EXOC6B: variants seen among roughly 807,000 people sequenced by gnomAD.
EXOC6B encodes the protein SEC15 homolog B.
A neutral mutation model predicts 113.5 loss-of-function variants in EXOC6B; 54 were observed. The ratio of observed to expected loss-of-function variants is 0.48; its 90% CI spans 0.38 to 0.60. The LOEUF (loss-of-function observed/expected upper bound fraction) is 0.60, where lower values mean the gene tolerates loss of function less well. EXOC6B is among the 20% of genes least tolerant of loss of function. The pLI is 0.00. For synonymous variants in EXOC6B, 357 were observed against 339.0 expected (o/e 1.05, Z -0.58); for missense variants, 797 against 977.5 (o/e 0.82, Z 2.46).
At chr2:72,634,359 G>A (rs1460989510) in intron 6 of EXOC6B, among the ~76,000 whole-genome samples, 2 of 152,150 alleles carry the variant, frequency 1.3e-5, no homozygotes, top group Admixed American at 6.5e-5. Flanking sequence ...TTCCCGCTAA[G>A]TACAACTAAA....
At chr2:72,291,204 G>C (rs1403735282) in intron 20 of EXOC6B, among the ~76,000 whole-genome samples, 2 of 152,152 alleles carry the variant, frequency 1.3e-5, no homozygotes, top group Non-Finnish European at 2.9e-5. Context: ...CAGGGTAAAC[G>C]TGCAAGTTTC....
chr2:72,730,071 T>C (rs1002580299), intron 5 of EXOC6B, among the ~76,000 whole-genome samples: 2 of 152,022 alleles, frequency 1.3e-5, no homozygotes, highest in Non-Finnish European at 2.9e-5. Context: ...GGCAGAGAGG[T>C]TGGAGATGCT....
At chr2:72,576,325 G>A (rs914188859) in intron 6 of EXOC6B, among the ~76,000 whole-genome samples, 3 of 151,926 alleles carry the variant, frequency 2.0e-5, no homozygotes, top group African/African-American at 7.3e-5. Flanking sequence ...CCTAGAAAAG[G>A]TAGTATAATC....
At chr2:72,681,750 G>GA (rs1185933598) in intron 6 of EXOC6B, among the ~76,000 whole-genome samples, 2 of 151,918 alleles carry the variant, frequency 1.3e-5, no homozygotes, top group South Asian at 2.1e-4. Flanking sequence ...CAAGAGTTCA[G>GA]AAAAAGTAGA....
intron 18 of EXOC6B, among the ~76,000 whole-genome samples, chr2:72,460,872 G>T (rs1313463040): frequency 6.6e-6 from 1 of 151,320 alleles, no homozygotes; most frequent in Non-Finnish European, 1.5e-5. Context: ...ATACCCAAAG[G>T]ACTATAAATC....
At chr2:72,721,147 G>A (rs1465126652) in intron 5 of EXOC6B, among the ~76,000 whole-genome samples, 2 of 151,790 alleles carry the variant, frequency 1.3e-5, no homozygotes, top group Non-Finnish European at 1.5e-5. Context: ...TAGGCAACAT[G>A]GTGAAACCTC....
chr2:72,491,920 G>T (rs531093651), intron 16 of EXOC6B, among the ~76,000 whole-genome samples: 1 of 152,004 alleles, frequency 6.6e-6, no homozygotes, highest in South Asian at 2.1e-4. Flanking sequence ...ATTATCCTAG[G>T]TATCAATAAC....
At chr2:72,601,176 G>A (rs7558543) in intron 6 of EXOC6B, among the ~76,000 whole-genome samples, 135,961 of 147,622 alleles carry the variant, frequency 0.92, 62,642 homozygotes, top group East Asian at 0.99. Flanking sequence ...GTGTGTGTGT[G>A]TATATCTTTT....
chr2:72,210,774 A>G (rs1246879681), intron 20 of EXOC6B, among the ~76,000 whole-genome samples: 1 of 152,216 alleles, frequency 6.6e-6, no homozygotes, highest in East Asian at 1.9e-4. Context: ...GTGGGATTAC[A>G]GGTCTTCAGT....
chr2:72,428,278 G>A (rs954950451), intron 18 of EXOC6B, among the ~76,000 whole-genome samples: 1 of 152,228 alleles, frequency 6.6e-6, no homozygotes, highest in Admixed American at 6.5e-5. Flanking sequence ...AAGGAGACAA[G>A]AGCTGTGGCC....
At chr2:72,496,278 A>G (rs1040919896) in intron 14 of EXOC6B, among the ~76,000 whole-genome samples, 176 bp downstream of exon 14, 9 of 152,218 alleles carry the variant, frequency 5.9e-5, no homozygotes, top group Non-Finnish European at 1.3e-4. Context: ...AGAATCCTTC[A>G]TCGTCAGAAA....
At chr2:72,712,602 C>T (rs1025029385) in intron 6 of EXOC6B, among the ~76,000 whole-genome samples, 5 of 152,178 alleles carry the variant, frequency 3.3e-5, no homozygotes, top group African/African-American at 7.2e-5. Context: ...GCCATGTGGC[C>T]TTCTCCAAAA....
chr2:72,802,118 T>C (rs986036463), intron 1 of EXOC6B, among the ~76,000 whole-genome samples: 1 of 151,200 alleles, frequency 6.6e-6, no homozygotes, highest in Non-Finnish European at 1.5e-5. Context: ...AGGTCGGGAG[T>C]TCAAGACCAG....
chr2:72,666,579 G>A lies in EXOC6B; in HGVS notation c.669+51524C>T, dbSNP rs187046819. ...AAGACATCTAAAAATGAAAAAAGAA[G>A]TAAAACCATCTGTCTTCACTGACTA... On this transcript the variant is annotated intron_variant, in intron 6 of 21. Coordinates refer to ENST00000272427, the MANE Select transcript of EXOC6B (RefSeq NM_015189.3). 1.1e-3 allele frequency among the ~76,000 whole-genome samples: 165 copies of A among 152,084 alleles called. 3 individuals carry two copies. Among genetic ancestry groups the A allele is most frequent in the Non-Finnish European group, 3.2e-4 (22 of 67,974 alleles).
At chr2:72,674,280 A>G (rs1676120167) in intron 6 of EXOC6B, among the ~76,000 whole-genome samples, 1 of 152,190 alleles carries the variant, frequency 6.6e-6, no homozygotes. Flanking sequence ...TTTCAAGGAC[A>G]CCATCCTTCT....
intron 6 of EXOC6B, among the ~76,000 whole-genome samples, chr2:72,639,897 T>TAAGCCAACAAGGATGAGA (rs1673105955): frequency 6.6e-6 from 1 of 152,142 alleles, no homozygotes; most frequent in Non-Finnish European, 1.5e-5. Flanking sequence ...TAAAGGAAGA[T>TAAGCCAACAAGGATGAGA]AAGCCAACAA....
intron 19 of EXOC6B, among the ~76,000 whole-genome samples, chr2:72,336,526 T>TA (rs10636852): frequency 2.6e-5 from 4 of 152,302 alleles, no homozygotes; most frequent in South Asian, 4.1e-4. Context: ...ACAGATGTAT[T>TA]AACAATATAC....
At chr2:72,599,381 C>T (rs1670267041) in intron 6 of EXOC6B, among the ~76,000 whole-genome samples, 1 of 152,022 alleles carries the variant, frequency 6.6e-6, no homozygotes, top group South Asian at 2.1e-4. Context: ...CAGCAAACTG[C>T]TAATAGAAGG....
At chr2:72,750,703 C>T (rs1352006454) in intron 1 of EXOC6B, among the ~76,000 whole-genome samples, 3 of 152,116 alleles carry the variant, frequency 2.0e-5, no homozygotes, top group Admixed American at 6.6e-5. Context: ...GAGGTCTACA[C>T]TCATACTATC....
Sources: gnomAD v4.1 joint callset for allele counts (sites outside exome capture counted in the v4.1 genomes callset) on GRCh38, gnomAD v4.1.1 for gene constraint, MANE v1.5 for transcripts, NCBI Gene and HGNC (gene_info 2026-07-23, HGNC 2026-07-21) for gene names.